Variants in MYT1L observed in about 807,000 individuals in gnomAD.
MYT1L encodes myelin transcription factor 1 like, also known as myelin transcription factor 1-like protein.
Under a neutral mutation model 126.7 loss-of-function variants are expected in MYT1L, and 12 were observed. That is an observed-to-expected ratio of 0.09 (90% CI 0.06 to 0.15). The LOEUF is 0.15. Among genes scored for constraint, MYT1L ranks in the 10% least tolerant of loss-of-function variants. The pLI, the probability that MYT1L is intolerant of heterozygous loss-of-function variation, is 1.00. For synonymous variants in MYT1L, 541 were observed against 604.2 expected (o/e 0.90, Z 1.53); for missense variants, 979 against 1,585.2 (o/e 0.62, Z 6.49).
At chr2:1,903,380 A>T (rs989186262) in intron 13 of MYT1L, 86 bp from the exon 14 acceptor site, 13 of 1,089,142 alleles carry the variant, frequency 1.2e-5, no homozygotes, top group Non-Finnish European at 1.6e-5. Flanking sequence ...AGAATATCTT[A>T]CTTTTTTAAA....
chr2:2,295,417 C>T (rs2095656025), intron 1 of MYT1L, among the ~76,000 whole-genome samples: 1 of 152,118 alleles, frequency 6.6e-6, no homozygotes, highest in Non-Finnish European at 1.5e-5. Flanking sequence ...TTTTCTGCCA[C>T]CCAGCTGTGG....
intron 8 of MYT1L, among the ~76,000 whole-genome samples, chr2:1,976,977 G>C (rs890222411): frequency 6.6e-6 from 1 of 152,216 alleles, no homozygotes; most frequent in Non-Finnish European, 1.5e-5. Flanking sequence ...TAGTGATGTA[G>C]TGGAAGCTAG....
chr2:2,210,167 G>T (rs1221536493), intron 2 of MYT1L, among the ~76,000 whole-genome samples: 1 of 152,058 alleles, frequency 6.6e-6, no homozygotes, highest in Non-Finnish European at 1.5e-5. Flanking sequence ...AGATTTGTCT[G>T]ATCTCCTTCT....
chr2:2,204,327 C>T (rs564169782), intron 2 of MYT1L, among the ~76,000 whole-genome samples: 79 of 151,558 alleles, frequency 5.2e-4, no homozygotes, highest in Admixed American at 3.5e-3. Context: ...AACAGGCAAC[C>T]TACAGAATGG....
At chr2:2,316,604 C>T (rs2096068301) in intron 1 of MYT1L, among the ~76,000 whole-genome samples, 3 of 152,230 alleles carry the variant, frequency 2.0e-5, no homozygotes, top group Admixed American at 1.3e-4. Context: ...CAAGTAGTAA[C>T]TGCAGAGCTG....
chr2:2,222,444 C>T (rs2093903042), intron 2 of MYT1L, among the ~76,000 whole-genome samples: 1 of 151,654 alleles, frequency 6.6e-6, no homozygotes, highest in South Asian at 2.1e-4. Flanking sequence ...TGCAGTGAGA[C>T]AAGATTGTGC....
intron 3 of MYT1L, among the ~76,000 whole-genome samples, chr2:2,158,703 TACACACACACAC>T (rs34075925): frequency 1.4e-5 from 2 of 144,368 alleles, no homozygotes; most frequent in Admixed American, 6.9e-5. Flanking sequence ...AACATTCAAG[TACACACACACAC>T]ACACACACAC....
At chr2:2,265,463 G>A (rs377682354) in intron 2 of MYT1L, among the ~76,000 whole-genome samples, 3 of 152,080 alleles carry the variant, frequency 2.0e-5, no homozygotes, top group Non-Finnish European at 2.9e-5. Flanking sequence ...TAATAAGTGC[G>A]AGTCCTTGAG....
chr2:1,987,608 G>A (rs796153852), intron 5 of MYT1L, among the ~76,000 whole-genome samples: 7 of 152,338 alleles, frequency 4.6e-5, no homozygotes, highest in African/African-American at 1.7e-4. Flanking sequence ...TCTGTTCCAA[G>A]CTGGTTCTGA....
intron 3 of MYT1L, among the ~76,000 whole-genome samples, chr2:2,111,282 T>A (rs1402877122): frequency 6.6e-6 from 1 of 152,086 alleles, no homozygotes; most frequent in African/African-American, 2.4e-5. Flanking sequence ...GTCCTTGGCA[T>A]CCCCGCCTGG....
At chr2:2,316,491 C>G (rs1337335591) in intron 1 of MYT1L, among the ~76,000 whole-genome samples, 1 of 152,184 alleles carries the variant, frequency 6.6e-6, no homozygotes, top group African/African-American at 2.4e-5. Context: ...GGGCTATTTC[C>G]TTAAGGATCA....
intron 2 of MYT1L, among the ~76,000 whole-genome samples, chr2:2,207,861 G>T (rs1008487263): frequency 3.2e-4 from 48 of 152,208 alleles, no homozygotes; most frequent in African/African-American, 1.2e-3. Flanking sequence ...TGATGCCATC[G>T]AAGCACCTAC....
In MYT1L at chr2:1,793,471, C is replaced by T. The variant is rs1426381718; in HGVS notation, c.3277-1007G>A. ...CTGGCCTGCCCGCTCCTCTCCTTCC[C>T]TGACGTGTCATTCCTAAGTCCTCTC... On this transcript the variant is annotated intron_variant, in intron 23 of 24. Coordinates refer to ENST00000647738, the MANE Select transcript of MYT1L (RefSeq NM_001303052.2). This position sits in a 1 kb window ranked among gnomAD's most constrained non-coding sequence, Gnocchi z 4.6. 6.6e-6 allele frequency among the ~76,000 whole-genome samples: 1 copy of T among 152,204 alleles called. No individual in the cohort carries two copies. Among genetic ancestry groups the T allele is most frequent in the Non-Finnish European group, 1.5e-5 (1 of 68,040 alleles).
chr2:1,832,520 C>T (rs2040330266), intron 21 of MYT1L, among the ~76,000 whole-genome samples: 1 of 152,216 alleles, frequency 6.6e-6, no homozygotes, highest in South Asian at 2.1e-4. Context: ...CCCACAAGGC[C>T]CTGCTCATTC....
rs2053680484 is a variant in MYT1L, at chr2:1,922,434, T to C, written c.1335A>G (p.Ala445=). ...TGGCCATCTTCTCCCTCATGGCCTT[T>C]GCTCTTTCCGTTTCCAAAGCGATGG... ...EKAIALETER[A]KAMREKMAME... Residue 445 remains alanine, a synonymous_variant, in exon 10 of 25, where the codon GCA becomes GCG. Coordinates refer to ENST00000647738, the MANE Select transcript of MYT1L (RefSeq NM_001303052.2). The surrounding 1 kb of genome is among the most constrained non-coding windows in gnomAD (Gnocchi z 7.4). 1 of 1,614,034 alleles carries C rather than the reference T, an allele frequency of 6.2e-7. No homozygotes were observed. Among genetic ancestry groups the C allele is most frequent in the Non-Finnish European group, 8.5e-7 (1 of 1,179,900 alleles).
chr2:1,891,944 G>A, intron 15 of MYT1L, 93 bp downstream of exon 15: 3 of 1,436,870 alleles, frequency 2.1e-6, no homozygotes, highest in South Asian at 2.9e-5. Context: ...GCCCCATACA[G>A]CTGCCCCGAA....
intron 3 of MYT1L, among the ~76,000 whole-genome samples, chr2:2,058,390 C>T (rs1315150469): frequency 6.6e-6 from 1 of 152,172 alleles, no homozygotes; most frequent in African/African-American, 2.4e-5. Context: ...GTTGTCTTAA[C>T]AGAGTGTTTT....
chr2:1,951,531 A>G (rs959735456), intron 8 of MYT1L, among the ~76,000 whole-genome samples: 3 of 152,198 alleles, frequency 2.0e-5, no homozygotes, highest in Non-Finnish European at 4.4e-5. Context: ...CATCACCCAG[A>G]TCTGAGTGGT....
At chr2:1,804,472 G>A (rs1419040851) in intron 22 of MYT1L, among the ~76,000 whole-genome samples, 2 of 152,164 alleles carry the variant, frequency 1.3e-5, no homozygotes, top group Non-Finnish European at 2.9e-5. Context: ...AAGCTGTCAG[G>A]AGAAACTGCC....
Sources: allele counts gnomAD v4.1 joint callset (sites outside exome capture counted in the v4.1 genomes callset), GRCh38; gene constraint gnomAD v4.1.1; non-coding constraint Gnocchi (gnomAD v3.1); transcripts MANE v1.5; gene names NCBI Gene and HGNC (gene_info 2026-07-23, HGNC 2026-07-21).